The following GPLD1 variants were observed in gnomAD, a reference collection of about 807,000 sequenced individuals.
GPLD1 encodes the protein glycosylphosphatidylinositol specific phospholipase D1.
In GPLD1, 84 loss-of-function variants were observed where a neutral mutation model predicts 112.6. The ratio of observed to expected loss-of-function variants is 0.75; its 90% CI spans 0.63 to 0.89. The LOEUF (loss-of-function observed/expected upper bound fraction) is 0.89. Ranked by LOEUF, GPLD1 falls within the 40% of genes least tolerant of loss-of-function variation. The pLI is 0.00. For missense variants in GPLD1, 1,044 were observed against 1,051.5 expected (o/e 0.99, Z 0.10); for synonymous variants, 386 against 403.8 (o/e 0.96, Z 0.53).
At position 24,428,941 on chromosome 6, in the gene GPLD1, C is replaced by G; in HGVS notation, c.*91G>C. ...TCTATCAGGATCTACCACCGCTCCA[C>G]TGGATGTGCCACTTTGTCCATCAAA... On this transcript the variant is annotated 3_prime_UTR_variant, in exon 25 of 25. Coordinates refer to ENST00000230036, the MANE Select transcript of GPLD1 (RefSeq NM_001503.4). 1 of 821,594 alleles carries G rather than the reference C, an allele frequency of 1.2e-6. No homozygotes were observed. The highest frequency in any genetic ancestry group is 2.0e-6 in the Non-Finnish European group (1 of 507,226). 50.9% of individuals were successfully genotyped at this position (821,594 alleles called of 1,614,324 possible).
At chr6:24,490,870 C>T (rs771993602), upstream of GPLD1, among the ~76,000 whole-genome samples, 14 of 152,160 alleles carry the variant, frequency 9.2e-5, no homozygotes, top group Non-Finnish European at 1.8e-4. Context: ...AAAGAAATCC[C>T]GCAGCTACCC....
chr6:24,465,261 C>T (rs1220266026), intron 10 of GPLD1, among the ~76,000 whole-genome samples: 1 of 151,084 alleles, frequency 6.6e-6, no homozygotes, highest in Admixed American at 6.6e-5. Flanking sequence ...GTTTTCCGGC[C>T]ACGCATGGTG....
Position 24,437,296 on chromosome 6 carries a change from C to G in GPLD1, c.2021-7G>C, listed in dbSNP as rs2295649. On this transcript the variant is annotated splice_polypyrimidine_tract_variant and splice_region_variant and intron_variant, in intron 20 of 24. Coordinates refer to ENST00000230036, the MANE Select transcript of GPLD1 (RefSeq NM_001503.4). ...GCCACCTTAGACACGTCATCTGAAA[C>G]GAACCACAGTTCCTGCTGGCCTCAC... is the stretch of plus-strand genomic sequence containing the variant. The G allele has an allele frequency of 6.2e-7, 1 of 1,610,742 alleles. No homozygotes were observed. Among genetic ancestry groups the G allele is most frequent in the East Asian group, 2.2e-5 (1 of 44,830 alleles).
At position 24,426,595 on chromosome 6, in the gene GPLD1, G is replaced by C. The variant is rs766682780; in HGVS notation, c.*2437C>G. ...AAATAATGGTCATGTTTAAACAGAG[G>C]CCTTATCATTTAGTGAAGCATAAAA... is the stretch of plus-strand genomic sequence containing the variant. On this transcript the variant is annotated 3_prime_UTR_variant, in exon 25 of 25. Coordinates refer to ENST00000230036, the MANE Select transcript of GPLD1 (RefSeq NM_001503.4). Among the ~76,000 whole-genome samples, 19 of 152,066 alleles carry C rather than the reference G, an allele frequency of 1.2e-4. No homozygotes were observed. The highest frequency in any genetic ancestry group is 2.2e-4 in the Non-Finnish European group (15 of 68,012).
In GPLD1 at chr6:24,454,096, G is replaced by A. The variant is rs1763185423; in HGVS notation, c.1254C>T (p.Leu418=). ...PGHIHIGRVY[L]IYGNDLGLPP... is the part of the protein sequence containing the mutation. ...GCAGGCCCAGGTCATTGCCGTAGAT[G>A]AGGTACACGCGCCCGATGTGGATGT... The change falls in exon 14 of 25, where the codon CTC becomes CTT. Residue 418 remains leucine (L), a synonymous_variant. Transcript: ENST00000230036. The A allele has an allele frequency of 6.2e-7, 1 of 1,613,948 alleles. No homozygotes were observed. Among genetic ancestry groups the A allele is most frequent in the African/African-American group, 1.3e-5 (1 of 75,030 alleles).
chr6:24,468,915 G>A (rs890301015), intron 7 of GPLD1, among the ~76,000 whole-genome samples: 10 of 152,204 alleles, frequency 6.6e-5, no homozygotes, highest in African/African-American at 2.4e-4. Flanking sequence ...TGTATCATGG[G>A]TGTGTCCTTA....
Position 24,426,137 on chromosome 6 carries a change from G to A in GPLD1, c.*2895C>T, listed in dbSNP as rs919283867. 6.6e-6 allele frequency: 1 copy of A among 152,136 alleles called. No individual in the cohort carries two copies. The highest frequency in any genetic ancestry group is 6.5e-5 in the Admixed American group (1 of 15,270). The allele number at this position is 152,136 out of a possible 1,614,324, so 9.4% of individuals were successfully genotyped here. A position where few individuals can be genotyped will look rare whatever the true frequency, so the allele number is the denominator to read the frequency against. ...CGCAGATAGTAGCAAGACAGAAAAT[G>A]CAAATATGTAAATGTCTTCTGATAT... On this transcript the variant is annotated 3_prime_UTR_variant, in exon 25 of 25. Coordinates refer to ENST00000230036, the MANE Select transcript of GPLD1 (RefSeq NM_001503.4).
At chr6:24,438,873 G>A (rs954098450) in intron 20 of GPLD1, among the ~76,000 whole-genome samples, 6 of 151,864 alleles carry the variant, frequency 4.0e-5, no homozygotes, top group Non-Finnish European at 7.4e-5. Flanking sequence ...TGCAACCTCC[G>A]CTTCCTGGGT....
intron 4 of GPLD1, among the ~76,000 whole-genome samples, chr6:24,475,539 CA>C (rs5874985): frequency 0.25 from 29,816 of 120,626 alleles, 3,763 homozygotes; most frequent in Non-Finnish European, 0.33. Context: ...GACTCTGTCT[CA>C]AAAAAAAAAA....
In GPLD1 at chr6:24,427,228, C is replaced by T. The variant is rs951061400; in HGVS notation, c.*1804G>A. 3.9e-5 allele frequency among the ~76,000 whole-genome samples: 6 copies of T among 152,184 alleles called. No individual in the cohort carries two copies. Among genetic ancestry groups the T allele is most frequent in the Non-Finnish European group, 8.8e-5 (6 of 68,044 alleles). ...ACATTCCATTCCCTTAAGTGTGCCA[C>T]GCTGCAGGACTGACAAATGAAATCC... is the stretch of plus-strand genomic sequence containing the variant. On this transcript the variant is annotated 3_prime_UTR_variant, in exon 25 of 25. Transcript: ENST00000230036.
chr6:24,433,282 T>G lies in GPLD1; in HGVS notation c.2386-45A>C, dbSNP rs371674614. On this transcript the variant is annotated intron_variant, in intron 23 of 24. Coordinates refer to ENST00000230036, the MANE Select transcript of GPLD1 (RefSeq NM_001503.4). Reference sequence around the variant, plus strand: ...TTAATGGGCTTTGAAGAACATAGTGTAATACTTTATCCGTTTAAAATAAAC... The same window carrying G: ...TTAATGGGCTTTGAAGAACATAGTGGAATACTTTATCCGTTTAAAATAAAC... The G allele has an allele frequency of 4.4e-6, 7 of 1,590,500 alleles. No individual in the cohort carries two copies. In the African/African-American group the frequency reaches 9.4e-5, roughly 21 times the overall value.
At position 24,445,719 on chromosome 6, in the gene GPLD1, G is replaced by A; in HGVS notation, c.1926+7C>T. 5 of 1,609,940 alleles carry A rather than the reference G, an allele frequency of 3.1e-6. No homozygotes were observed. Among genetic ancestry groups the A allele is most frequent in the Non-Finnish European group, 4.3e-6 (5 of 1,176,226 alleles). ...CCACTCTCCTGTGTGGGGAGGGCTT[G>A]TCATACCTTGTCTCCAGAAATGGTA... is the stretch of plus-strand genomic sequence containing the variant. On this transcript the variant is annotated splice_region_variant and intron_variant, in intron 19 of 24. Transcript: ENST00000230036.
intron 22 of GPLD1, among the ~76,000 whole-genome samples, chr6:24,435,006 A>T (rs1422996222): frequency 1.4e-5 from 2 of 145,102 alleles, no homozygotes; most frequent in Non-Finnish European, 3.0e-5. Flanking sequence ...AATGGGCATA[A>T]TATTAATTTC....
chr6:24,461,819 C>A (rs1410571592), intron 11 of GPLD1, among the ~76,000 whole-genome samples: 1 of 152,118 alleles, frequency 6.6e-6, no homozygotes. Flanking sequence ...ATCTCTAGTG[C>A]CTGAACCAGT....
chr6:24,456,141 G>A (rs1763259486), intron 13 of GPLD1, among the ~76,000 whole-genome samples: 1 of 152,212 alleles, frequency 6.6e-6, no homozygotes, highest in African/African-American at 2.4e-5. Context: ...GCTCACACCT[G>A]CAATCCCAGG....
chr6:24,479,852 T>C, intron 3 of GPLD1, 29 bp downstream of exon 3: 1 of 1,274,006 alleles, frequency 7.8e-7, no homozygotes. Flanking sequence ...TAAAAGTGAC[T>C]TCATTCAGTC....
At position 24,429,011 on chromosome 6, in the gene GPLD1, T is replaced by TG. The variant is rs1225777488; in HGVS notation, c.*20dup. 3 of 1,534,504 alleles carry TG rather than the reference T, an allele frequency of 2.0e-6. No individual in the cohort carries two copies. Among genetic ancestry groups the TG allele is most frequent in the African/African-American group, 1.4e-5 (1 of 73,204 alleles). On this transcript the variant is annotated 3_prime_UTR_variant, in exon 25 of 25. Transcript: ENST00000230036. ...TTCAGCATGAGAGAGGTGGGCAGAG[T>TG]GGGGAAATGCAGTGAAATCTTCAAT...
At chr6:24,490,071 G>C (rs1764515953), upstream of GPLD1, among the ~76,000 whole-genome samples, 1 of 152,154 alleles carries the variant, frequency 6.6e-6, no homozygotes, top group Non-Finnish European at 1.5e-5. Context: ...TTTGGCAACA[G>C]ATACTGACAC....
At chr6:24,454,983 G>A (rs77902521) in intron 13 of GPLD1, among the ~76,000 whole-genome samples, 1 of 152,230 alleles carries the variant, frequency 6.6e-6, no homozygotes, top group Non-Finnish European at 1.5e-5. Flanking sequence ...ACAAAAATTA[G>A]CTGGGTATGG....
Sources: gnomAD v4.1 joint callset for allele counts (sites outside exome capture counted in the v4.1 genomes callset) on GRCh38, gnomAD v4.1.1 for gene constraint, MANE v1.5 for transcripts, NCBI Gene and HGNC (gene_info 2026-07-23, HGNC 2026-07-21) for gene names.